Variants in SLC7A2 observed in about 807,000 individuals in gnomAD.
The protein encoded by SLC7A2 is cationic amino acid transporter 2.
SLC7A2 carries 48 observed loss-of-function variants against 58.9 expected under a neutral mutation model. The observed-to-expected ratio is 0.82, with a 90% CI of 0.65 to 1.04. SLC7A2 has a LOEUF of 1.04. SLC7A2 is among the 50% of genes least tolerant of loss of function. The pLI is 0.00. For synonymous variants in SLC7A2, 363 were observed against 314.5 expected, an observed-to-expected ratio of 1.15 and a Z score of -1.63; for missense variants, 1,029 against 818.8, an observed-to-expected ratio of 1.26 and a Z score of -3.13.
In SLC7A2 at chr8:17,558,425, G is replaced by A. The variant is rs750456171; in HGVS notation, c.1298+28G>A. 30 of 1,450,352 alleles carry A rather than the reference G, an allele frequency of 2.1e-5. 1 individual carries two copies. Among genetic ancestry groups the A allele is most frequent in the South Asian group, 4.6e-5 (4 of 86,380 alleles). The allele number at this position is 1,450,352 out of a possible 1,614,324, so 89.8% of individuals were successfully genotyped here. A position where few individuals can be genotyped will look rare whatever the true frequency, so the allele number is the denominator to read the frequency against. ...GAGTCACCTGGTGGTTCTACAGGGT[G>A]TACCATGCACGAGGGACTCTGGGAG... On this transcript the variant is annotated intron_variant, in intron 9 of 12. Coordinates refer to ENST00000494857, the MANE Select transcript of SLC7A2 (RefSeq NM_001370338.1).
chr8:17,560,676 C>T, intron 10 of SLC7A2, 143 bp downstream of exon 10: 1 of 658,548 alleles, frequency 1.5e-6, no homozygotes, highest in Non-Finnish European at 2.7e-6. Flanking sequence ...TAAAGCATCA[C>T]CAGTGGTTGA....
chr8:17,530,941 T>G lies in SLC7A2; in HGVS notation c.-22-12377T>G, dbSNP rs1044456252. Among the ~76,000 whole-genome samples the G allele has an allele frequency of 2.0e-5, 3 of 152,164 alleles. No individual in the cohort carries two copies. In the South Asian group the frequency reaches 6.2e-4, roughly 32 times the overall value. ...ATAATAATTTAAATTTAATAAGCAT[T>G]AATTGTTATTTTAAAGTATGCTGAT... On this transcript the variant is annotated intron_variant, in intron 2 of 12. Coordinates refer to ENST00000494857, the MANE Select transcript of SLC7A2 (RefSeq NM_001370338.1).
chr8:17,536,607 T>C (rs905738378), intron 2 of SLC7A2, among the ~76,000 whole-genome samples: 3 of 152,072 alleles, frequency 2.0e-5, no homozygotes, highest in Non-Finnish European at 4.4e-5. Flanking sequence ...GGAGAGAGTA[T>C]ATACGTCTGT....
chr8:17,496,071 G>C (rs1438838609), upstream of SLC7A2, among the ~76,000 whole-genome samples: 1 of 152,198 alleles, frequency 6.6e-6, no homozygotes, highest in Non-Finnish European at 1.5e-5. Context: ...ATTACTAGTA[G>C]GTGGGTTAAA....
intron 10 of SLC7A2, among the ~76,000 whole-genome samples, chr8:17,561,007 G>A (rs1054876328): frequency 1.3e-5 from 2 of 152,146 alleles, no homozygotes; most frequent in Non-Finnish European, 1.5e-5. Context: ...CAAGAGAGAC[G>A]GTCCGTACTC....
At chr8:17,544,859 G>A (rs544489078) in intron 4 of SLC7A2, among the ~76,000 whole-genome samples, 1 of 152,250 alleles carries the variant, frequency 6.6e-6, no homozygotes, top group African/African-American at 2.4e-5. Flanking sequence ...AATAGGATGA[G>A]GACATTGATT....
intron 2 of SLC7A2, among the ~76,000 whole-genome samples, chr8:17,521,438 T>C (rs893309458): frequency 1.3e-5 from 2 of 152,246 alleles, no homozygotes; most frequent in Non-Finnish European, 2.9e-5. Flanking sequence ...CTAGGCACAC[T>C]GTCTGTCTCA....
chr8:17,551,734 C>A, intron 6 of SLC7A2, 30 bp from the exon 7 acceptor site: 1 of 1,460,908 alleles, frequency 6.8e-7, no homozygotes, highest in Non-Finnish European at 9.6e-7. Flanking sequence ...TTTTATTAAG[C>A]ATACACATCT....
At position 17,565,392 on chromosome 8, in the gene SLC7A2, A is replaced by G. The variant is rs7842267; in HGVS notation, c.*246A>G. 0.06 allele frequency: 28,336 copies of G among 472,522 alleles called. 2,820 individuals are homozygous for G. The highest frequency in any genetic ancestry group is 0.31 in the African/African-American group (16,029 of 51,570). 29.3% of individuals were successfully genotyped at this position (472,522 alleles called of 1,614,324 possible). ...CCCCAAACAGTGGGAGTGTGTATGT[A>G]TGTGTGTATGTATGTATCTATGTAT... is the stretch of plus-strand genomic sequence containing the variant. On this transcript the variant is annotated 3_prime_UTR_variant, in exon 13 of 13. Transcript: ENST00000494857.
intron 2 of SLC7A2, among the ~76,000 whole-genome samples, chr8:17,539,149 G>A (rs946407009): frequency 2.6e-5 from 4 of 152,148 alleles, no homozygotes; most frequent in Admixed American, 2.0e-4. Flanking sequence ...ATGTCATCAG[G>A]GTTAGGGATT....
rs1448789994 is a variant in SLC7A2 at position 17,543,195 on chromosome 8, C to T, written c.-22-123C>T. On this transcript the variant is annotated intron_variant, in intron 2 of 12. Transcript: ENST00000494857. ...CATCTCTTCTAACAAGTGAAACACACACACACACACACACACACACAAACA... is the reference window on the plus strand; with the variant it reads ...CATCTCTTCTAACAAGTGAAACACATACACACACACACACACACACAAACA... 1.1e-5 allele frequency: 8 copies of T among 710,848 alleles called. No homozygotes were observed. The Admixed American group carries it at 1.9e-4, about 17-fold the overall frequency. 44.0% of individuals were successfully genotyped at this position (710,848 alleles called of 1,614,324 possible). A position where few individuals can be genotyped will look rare whatever the true frequency, so the allele number is the denominator to read the frequency against.
chr8:17,548,919 T>A (rs1802309482), intron 5 of SLC7A2, 76 bp downstream of exon 5: 1 of 1,225,080 alleles, frequency 8.2e-7, no homozygotes, highest in African/African-American at 1.5e-5. Context: ...AGTTCATTTT[T>A]ACTCTGCTAA....
Position 17,567,522 on chromosome 8 carries a change from G to C in SLC7A2, c.*2376G>C, listed in dbSNP as rs1464282576. ...TTCTGTGAAGACTCAACGGATGTGT[G>C]TGTTTGTATGTTTGTTAACAGTTAC... On this transcript the variant is annotated 3_prime_UTR_variant, in exon 13 of 13. Transcript: ENST00000494857. 6.6e-6 allele frequency: 1 copy of C among 152,558 alleles called. No homozygotes were observed. Among genetic ancestry groups the C allele is most frequent in the Non-Finnish European group, 1.5e-5 (1 of 68,038 alleles). The allele number at this position is 152,558 out of a possible 1,614,324, so 9.5% of individuals were successfully genotyped here. A position where few individuals can be genotyped will look rare whatever the true frequency, so the allele number is the denominator to read the frequency against.
intron 9 of SLC7A2, among the ~76,000 whole-genome samples, chr8:17,559,267 A>G (rs1802850112): frequency 6.6e-6 from 1 of 152,182 alleles, no homozygotes; most frequent in Admixed American, 6.5e-5. Flanking sequence ...AGACTGGGTA[A>G]TTTATCAAGG....
chr8:17,560,375 A>G lies in SLC7A2; in HGVS notation c.1346A>G (p.Lys449Arg). The change falls in exon 10 of 13, where the codon AAA (lysine) becomes AGA (arginine). Residue 449 changes from lysine to arginine, a missense_variant. Transcript: ENST00000494857. ...SYDQPKCSPE[K>R]DGLGSSPRVT... is the part of the protein sequence containing the mutation. The stretch of plus-strand genomic sequence containing the variant: ...GACCAGCCCAAATGTTCTCCTGAGA[A>G]AGATGGTCTGGGATCGTCTCCCAGG... 1 of 1,614,190 alleles carries G rather than the reference A, an allele frequency of 6.2e-7. No individual in the cohort carries two copies. Among genetic ancestry groups the G allele is most frequent in the Non-Finnish European group, 8.5e-7 (1 of 1,180,012 alleles).
At chr8:17,558,214 T>C in intron 8 of SLC7A2, 81 bp from the exon 9 acceptor site, 1 of 828,156 alleles carries the variant, frequency 1.2e-6, no homozygotes, top group Non-Finnish European at 2.1e-6. Flanking sequence ...GGCAGTCAGA[T>C]GTCCCTGACT....
chr8:17,494,740 G>C (rs1799917387), upstream of SLC7A2, among the ~76,000 whole-genome samples: 1 of 152,184 alleles, frequency 6.6e-6, no homozygotes, highest in Non-Finnish European at 1.5e-5. Flanking sequence ...CCAAAGTTAT[G>C]AGGCAGGATT....
upstream of SLC7A2, among the ~76,000 whole-genome samples, chr8:17,494,943 C>A (rs1458174435): frequency 6.6e-6 from 1 of 152,190 alleles, no homozygotes; most frequent in East Asian, 1.9e-4. Flanking sequence ...CGCCGGCGGG[C>A]AGATTGGATA....
intron 2 of SLC7A2, among the ~76,000 whole-genome samples, chr8:17,520,205 G>T (rs996515576): frequency 6.6e-6 from 1 of 152,082 alleles, no homozygotes; most frequent in Non-Finnish European, 1.5e-5. Flanking sequence ...ATTATTAAAG[G>T]GAGAAACTTT....
Sources: gnomAD v4.1 joint callset for allele counts (sites outside exome capture counted in the v4.1 genomes callset) on GRCh38, gnomAD v4.1.1 for gene constraint, MANE v1.5 for transcripts, NCBI Gene and HGNC (gene_info 2026-07-23, HGNC 2026-07-21) for gene names.